Variants in THSD7B observed in about 807,000 individuals in gnomAD.
THSD7B encodes thrombospondin type 1 domain containing 7B.
A neutral mutation model predicts 213.6 loss-of-function variants in THSD7B; 138 were observed. The observed-to-expected ratio is 0.65, with a 90% CI of 0.56 to 0.74. The LOEUF is 0.74. Among genes scored for constraint, THSD7B ranks in the 30% least tolerant of loss-of-function variants. THSD7B has a pLI of 0.00. For missense variants in THSD7B, 1,931 were observed against 1,991.5 expected, an observed-to-expected ratio of 0.97 and a Z score of 0.58; for synonymous variants, 742 against 687.0, an observed-to-expected ratio of 1.08 and a Z score of -1.25.
chr2:137,338,082 A>G (rs554013934), intron 12 of THSD7B, among the ~76,000 whole-genome samples: 3 of 152,174 alleles, frequency 2.0e-5, no homozygotes, highest in Non-Finnish European at 2.9e-5. Context: ...TTATCCTTCA[A>G]TCCGTTGCAG....
chr2:137,521,717 A>T (rs1680188185), intron 15 of THSD7B, among the ~76,000 whole-genome samples: 1 of 152,230 alleles, frequency 6.6e-6, no homozygotes, highest in African/African-American at 2.4e-5. Flanking sequence ...GGACACTGGC[A>T]TCTGGCTGGC....
chr2:136,867,314 G>A (rs983539506), intron 1 of THSD7B, among the ~76,000 whole-genome samples: 1 of 152,122 alleles, frequency 6.6e-6, no homozygotes, highest in Non-Finnish European at 1.5e-5. Flanking sequence ...GGACATTTGT[G>A]GGCTCATTTG....
At chr2:137,667,106 AATGTTTTGCC>A (rs916376440) in intron 26 of THSD7B, among the ~76,000 whole-genome samples, 126 of 151,910 alleles carry the variant, frequency 8.3e-4, no homozygotes, top group African/African-American at 3.0e-3. Flanking sequence ...CTTTTTGTCA[AATGTTTTGCC>A]ATATTTTTGT....
At chr2:137,385,502 C>T (rs1288161902) in intron 12 of THSD7B, among the ~76,000 whole-genome samples, 1 of 152,200 alleles carries the variant, frequency 6.6e-6, no homozygotes, top group African/African-American at 2.4e-5. Flanking sequence ...GTACTTGGCA[C>T]CTTGGAACTT....
chr2:137,295,788 GGTA>G (rs1326288659), intron 12 of THSD7B, among the ~76,000 whole-genome samples: 1 of 151,988 alleles, frequency 6.6e-6, no homozygotes, highest in Non-Finnish European at 1.5e-5. Flanking sequence ...AATCTTTTTA[GGTA>G]GTAGAATTTC....
intron 7 of THSD7B, among the ~76,000 whole-genome samples, chr2:137,197,882 T>G (rs549069826): frequency 6.6e-6 from 1 of 152,170 alleles, no homozygotes; most frequent in East Asian, 1.9e-4. Flanking sequence ...TTCAGGTCAT[T>G]GATAGCCACT....
chr2:137,494,784 T>C (rs72844504), intron 15 of THSD7B, among the ~76,000 whole-genome samples: 41,621 of 152,076 alleles, frequency 0.27, 5,920 homozygotes, highest in Non-Finnish European at 0.31. Flanking sequence ...TATGCCTCTA[T>C]GGACACCCCT....
chr2:137,074,598 A>G (rs938048929), intron 3 of THSD7B, among the ~76,000 whole-genome samples: 2 of 152,054 alleles, frequency 1.3e-5, no homozygotes, highest in African/African-American at 4.8e-5. Flanking sequence ...TAAAGTTAAT[A>G]TTGTTATGTG....
chr2:137,417,052 T>A (rs1324007544), intron 14 of THSD7B, among the ~76,000 whole-genome samples: 2 of 152,248 alleles, frequency 1.3e-5, no homozygotes, highest in South Asian at 2.1e-4. Context: ...ATCATCCACA[T>A]GTAATTTAGC....
At chr2:137,395,720 A>G (rs1217422605) in intron 12 of THSD7B, among the ~76,000 whole-genome samples, 3 of 152,048 alleles carry the variant, frequency 2.0e-5, no homozygotes, top group East Asian at 1.9e-4. Flanking sequence ...ATTGATTGGA[A>G]TAGTTTCAGA....
chr2:136,975,691 A>AT lies in THSD7B; in HGVS notation c.140-80725dup, dbSNP rs1295376441. Among the ~76,000 whole-genome samples, 3 of 152,280 alleles carry AT rather than the reference A, an allele frequency of 2.0e-5. No individual in the cohort carries two copies. The East Asian group carries it at 5.8e-4, about 29-fold the overall frequency. On this transcript the variant is annotated intron_variant, in intron 2 of 27. Transcript: ENST00000409968. The stretch of plus-strand genomic sequence containing the variant: ...TAGGCTCTTTTTTGGTACTACATGA[A>AT]TTTTAAAATAGTTTTTTCTAGTTCA...
rs539842132 is a variant in THSD7B at position 137,363,052 on chromosome 2, C to T, written c.2501-42561C>T. Among the ~76,000 whole-genome samples, 340 of 152,264 alleles carry T rather than the reference C, an allele frequency of 2.2e-3. 3 individuals carry two copies. The highest frequency in any genetic ancestry group is 0.02 in the Middle Eastern group (6 of 294). Reference sequence around the variant, plus strand: ...ACAAACTGTCTCTCAGACCACAGTGCAATCAAATTAGAACTCAGGATTAAG... The same window carrying T: ...ACAAACTGTCTCTCAGACCACAGTGTAATCAAATTAGAACTCAGGATTAAG... On this transcript the variant is annotated intron_variant, in intron 12 of 27. Coordinates refer to ENST00000409968, the MANE Select transcript of THSD7B (RefSeq NM_001316349.2).
chr2:136,840,232 A>T (rs1682902000), intron 1 of THSD7B, among the ~76,000 whole-genome samples: 1 of 152,036 alleles, frequency 6.6e-6, no homozygotes. Flanking sequence ...TACAAAAATT[A>T]GCCAGGAGTG....
chr2:137,234,479 G>T (rs1681720209), intron 9 of THSD7B, among the ~76,000 whole-genome samples: 1 of 152,156 alleles, frequency 6.6e-6, no homozygotes, highest in Non-Finnish European at 1.5e-5. Flanking sequence ...ACTGCCCAGA[G>T]CTTGTGTTAG....
chr2:137,563,305 G>C lies in THSD7B; in HGVS notation c.3223G>C (p.Glu1075Gln), dbSNP rs1426592030. ...EHWSSCKINNELRSLRCGGGT... is the reference protein window; with the variant it reads ...EHWSSCKINNQLRSLRCGGGT... ...CTGGTCTTCATGCAAAATCAACAAT[G>C]AGCTGAGGTCCCTGCGCTGTGGAGG... The change falls in exon 16 of 28, where the codon GAG becomes CAG. Residue 1075 changes from glutamate to glutamine, a missense_variant. Transcript: ENST00000409968. 6.2e-7 allele frequency: 1 copy of C among 1,613,434 alleles called. No individual in the cohort carries two copies. The highest frequency in any genetic ancestry group is 1.1e-5 in the South Asian group (1 of 91,060).
chr2:137,273,923 AT>A (rs1682810349), intron 11 of THSD7B, among the ~76,000 whole-genome samples: 1 of 152,086 alleles, frequency 6.6e-6, no homozygotes, highest in Admixed American at 6.6e-5. Context: ...ATTATTAGAC[AT>A]TTTTATGAAC....
intron 15 of THSD7B, among the ~76,000 whole-genome samples, chr2:137,483,017 T>C (rs1471155939): frequency 1.3e-5 from 2 of 152,186 alleles, no homozygotes; most frequent in East Asian, 3.9e-4. Flanking sequence ...ATAGAAGTCA[T>C]GACCAAAAGT....
intron 5 of THSD7B, among the ~76,000 whole-genome samples, chr2:137,141,463 C>T (rs1387392222): frequency 3.4e-5 from 5 of 146,986 alleles, no homozygotes; most frequent in African/African-American, 1.0e-4. Flanking sequence ...GATAAAATTG[C>T]GTAGAAACAC....
chr2:137,077,046 A>T (rs947560137), intron 3 of THSD7B, among the ~76,000 whole-genome samples: 4 of 128,548 alleles, frequency 3.1e-5, no homozygotes, highest in Admixed American at 1.9e-4. Context: ...TCATTGTTCA[A>T]CTCCCACCTA....
Sources: allele counts gnomAD v4.1 joint callset (sites outside exome capture counted in the v4.1 genomes callset), GRCh38; gene constraint gnomAD v4.1.1; transcripts MANE v1.5; gene names NCBI Gene and HGNC (gene_info 2026-07-23, HGNC 2026-07-21).